Variants in NTRK2 observed in about 807,000 individuals in gnomAD.
The protein encoded by NTRK2 is neurotrophic receptor tyrosine kinase 2, also known as BDNF/NT-3 growth factors receptor.
In NTRK2, 13 loss-of-function variants were observed where a neutral mutation model predicts 94.5. That is an observed-to-expected ratio of 0.14 (90% CI 0.09 to 0.22). NTRK2 has a LOEUF of 0.22. Among genes scored for constraint, NTRK2 ranks in the 10% least tolerant of loss-of-function variants. NTRK2 has a pLI of 1.00. For missense variants in NTRK2, 639 were observed against 1,071.2 expected (o/e 0.60, Z 5.63); for synonymous variants, 372 against 407.4 (o/e 0.91, Z 1.05).
At chr9:84,768,583 T>C (rs1174133035) in intron 12 of NTRK2, among the ~76,000 whole-genome samples, 2 of 152,158 alleles carry the variant, frequency 1.3e-5, no homozygotes, top group Non-Finnish European at 2.9e-5. Flanking sequence ...TGCAAAAACT[T>C]AAGGTGCCCA....
At chr9:84,787,629 AC>A (rs2068258291) in intron 12 of NTRK2, among the ~76,000 whole-genome samples, 1 of 151,996 alleles carries the variant, frequency 6.6e-6, no homozygotes, top group African/African-American at 2.4e-5. Context: ...GTCAGGCAAA[AC>A]CCTCATTTTC....
intron 17 of NTRK2, among the ~76,000 whole-genome samples, chr9:84,987,901 T>C (rs878899618): frequency 3.3e-5 from 5 of 152,266 alleles, no homozygotes; most frequent in Admixed American, 2.6e-4. Context: ...TGTTCTTCAA[T>C]GTTGTAAATT....
intron 2 of NTRK2, among the ~76,000 whole-genome samples, chr9:84,697,755 T>G (rs1333165917): frequency 2.6e-5 from 4 of 152,156 alleles, no homozygotes; most frequent in Non-Finnish European, 5.9e-5. Flanking sequence ...ATGCGGAGGC[T>G]GTGGAGCAGG....
chr9:84,670,516 G>A lies in NTRK2; in HGVS notation c.-233G>A, dbSNP rs118098439. ...CCGCGGAGCTCCGAGCAGCGGTAGC[G>A]CCCCCCTGTAAAGCGGTTCGCTATG... On this transcript the variant is annotated 5_prime_UTR_variant, in exon 2 of 19. Transcript: ENST00000277120. The A allele has an allele frequency of 3.5e-6, 2 of 564,132 alleles. No homozygotes were observed. Among genetic ancestry groups the A allele is most frequent in the Non-Finnish European group, 6.4e-6 (2 of 314,434 alleles). 34.9% of individuals were successfully genotyped at this position (564,132 alleles called of 1,614,324 possible).
At chr9:84,740,202 A>G (rs2063540366) in intron 9 of NTRK2, among the ~76,000 whole-genome samples, 1 of 152,198 alleles carries the variant, frequency 6.6e-6, no homozygotes, top group Non-Finnish European at 1.5e-5. Context: ...AAAGGACTTC[A>G]GAGGACAACT....
intron 14 of NTRK2, among the ~76,000 whole-genome samples, chr9:84,886,817 G>GTATTT (rs2076429361): frequency 6.6e-6 from 1 of 152,130 alleles, no homozygotes; most frequent in Non-Finnish European, 1.5e-5. Context: ...ACTTTTCACT[G>GTATTT]GGTAATGTAA....
chr9:84,962,446 G>C lies in NTRK2; in HGVS notation c.2172+6929G>C, dbSNP rs373632076. ...TCTTGGTCCCATCCTTCACCCAACT[G>C]GTGAAGAATGCTAGCAGTAGATGGG... On this transcript the variant is annotated intron_variant, in intron 17 of 18. Coordinates refer to ENST00000277120, the MANE Select transcript of NTRK2 (RefSeq NM_006180.6). Among the ~76,000 whole-genome samples the C allele has an allele frequency of 1.7e-3, 265 of 152,224 alleles. 11 individuals carry two copies. In the South Asian group the frequency reaches 0.053, roughly 31 times the overall value.
intron 11 of NTRK2, among the ~76,000 whole-genome samples, chr9:84,748,887 C>G (rs1033909297): frequency 1.3e-5 from 2 of 152,166 alleles, no homozygotes; most frequent in Admixed American, 1.3e-4. Context: ...CCATAATTAG[C>G]TTTGTAGGAG....
intron 14 of NTRK2, among the ~76,000 whole-genome samples, chr9:84,910,738 A>T (rs371035882): frequency 3.9e-5 from 6 of 152,320 alleles, no homozygotes; most frequent in African/African-American, 1.4e-4. Flanking sequence ...ATTGATTTAT[A>T]TGTTCATTTC....
chr9:84,810,056 G>C (rs1372893940), intron 12 of NTRK2, among the ~76,000 whole-genome samples: 1 of 152,148 alleles, frequency 6.6e-6, no homozygotes, highest in African/African-American at 2.4e-5. Context: ...GATTTGGGTA[G>C]ATAGGTATTG....
At chr9:84,817,017 A>G (rs545644942) in intron 12 of NTRK2, among the ~76,000 whole-genome samples, 6 of 152,264 alleles carry the variant, frequency 3.9e-5, no homozygotes, top group Admixed American at 3.3e-4. Flanking sequence ...CCGTGCTTCA[A>G]TTTCTTCCTT....
intron 17 of NTRK2, among the ~76,000 whole-genome samples, chr9:85,016,146 C>T (rs945387303): frequency 2.6e-5 from 4 of 152,138 alleles, no homozygotes; most frequent in Non-Finnish European, 5.9e-5. Context: ...TGGGTGATTC[C>T]GGAACCACGG....
At chr9:84,787,332 A>G (rs1466919195) in intron 12 of NTRK2, among the ~76,000 whole-genome samples, 3 of 152,084 alleles carry the variant, frequency 2.0e-5, no homozygotes. Flanking sequence ...ACAAACAAAC[A>G]AACAAACAAA....
intron 17 of NTRK2, among the ~76,000 whole-genome samples, chr9:84,965,982 A>G (rs1020175630): frequency 6.6e-6 from 1 of 152,218 alleles, no homozygotes; most frequent in Non-Finnish European, 1.5e-5. Context: ...CGTGAAAAAC[A>G]CCAGGGTTTC....
At chr9:84,892,520 C>T (rs559761536) in intron 14 of NTRK2, among the ~76,000 whole-genome samples, 47 of 152,344 alleles carry the variant, frequency 3.1e-4, no homozygotes, top group African/African-American at 1.1e-3. Flanking sequence ...CTGGATTCTA[C>T]AATTAAGATT....
chr9:84,734,242 C>G (rs1279023444), intron 9 of NTRK2, among the ~76,000 whole-genome samples: 2 of 152,220 alleles, frequency 1.3e-5, no homozygotes, highest in African/African-American at 4.8e-5. Context: ...GATGCAGTGC[C>G]TGACACATGA....
chr9:84,806,261 T>C (rs2071099949), intron 12 of NTRK2, among the ~76,000 whole-genome samples: 1 of 152,194 alleles, frequency 6.6e-6, no homozygotes, highest in Admixed American at 6.5e-5. Context: ...AAGTGAATGC[T>C]TCAGAAGTTT....
chr9:84,745,343 G>A (rs2063977020), intron 11 of NTRK2, among the ~76,000 whole-genome samples: 2 of 152,282 alleles, frequency 1.3e-5, no homozygotes, highest in Admixed American at 6.5e-5. Context: ...CACCAGAAGA[G>A]CAAGAAACCA....
intron 12 of NTRK2, chr9:84,810,590 G>T: frequency 1.2e-6 from 2 of 1,613,990 alleles, no homozygotes; most frequent in Non-Finnish European, 1.7e-6. Flanking sequence ...CTGAAATAAA[G>T]GAAAAGACAG....
Sources: allele counts gnomAD v4.1 joint callset (sites outside exome capture counted in the v4.1 genomes callset), GRCh38; gene constraint gnomAD v4.1.1; transcripts MANE v1.5; gene names NCBI Gene and HGNC (gene_info 2026-07-23, HGNC 2026-07-21).